BBOX1: variants seen among roughly 807,000 people sequenced by gnomAD.
BBOX1 encodes gamma-butyrobetaine hydroxylase 1.
Under a neutral mutation model 41.6 loss-of-function variants are expected in BBOX1, and 35 were observed. The observed-to-expected ratio is 0.84, with a 90% CI of 0.64 to 1.11. BBOX1 has a LOEUF of 1.11. Among genes scored for constraint, BBOX1 ranks in the 50% most tolerant of loss-of-function variants. BBOX1 has a pLI of 0.00. For missense variants in BBOX1, 458 were observed against 460.6 expected (o/e 0.99, Z 0.05); for synonymous variants, 163 against 154.7 (o/e 1.05, Z -0.40).
At chr11:27,083,905 C>A (rs187042820) in intron 4 of BBOX1, among the ~76,000 whole-genome samples, 1 of 152,180 alleles carries the variant, frequency 6.6e-6, no homozygotes, top group East Asian at 1.9e-4. Context: ...GTCAGGCAAC[C>A]AGAGCACCCT....
At chr11:27,100,153 T>C (rs896525006) in intron 5 of BBOX1, among the ~76,000 whole-genome samples, 3 of 152,084 alleles carry the variant, frequency 2.0e-5, no homozygotes, top group Admixed American at 6.6e-5. Context: ...AATATTACTA[T>C]TTCTCGGCAT....
intron 4 of BBOX1, among the ~76,000 whole-genome samples, chr11:27,073,999 A>G (rs1300514199): frequency 1.3e-5 from 2 of 152,104 alleles, no homozygotes; most frequent in Non-Finnish European, 2.9e-5. Flanking sequence ...CCAACATGGC[A>G]CATATATACA....
At chr11:27,065,175 G>A (rs1201262816) in intron 4 of BBOX1, among the ~76,000 whole-genome samples, 1 of 152,078 alleles carries the variant, frequency 6.6e-6, no homozygotes, top group African/African-American at 2.4e-5. Flanking sequence ...GGAGGAGGTG[G>A]GTTAGATCAG....
At chr11:27,066,093 GTTATA>G (rs1000710239) in intron 4 of BBOX1, among the ~76,000 whole-genome samples, 2 of 152,236 alleles carry the variant, frequency 1.3e-5, no homozygotes, top group East Asian at 1.9e-4. Flanking sequence ...ATTTTTTGTA[GTTATA>G]TTAAAGTAAA....
intron 2 of BBOX1, among the ~76,000 whole-genome samples, chr11:27,053,449 G>C (rs1856876694): frequency 6.6e-6 from 1 of 152,210 alleles, no homozygotes; most frequent in African/African-American, 2.4e-5. Flanking sequence ...AATAAAAACA[G>C]GAATATGTAG....
In BBOX1 at chr11:27,052,662, C is replaced by T. The variant is rs534271339; in HGVS notation, c.-38-2731C>T. 1.6e-4 allele frequency among the ~76,000 whole-genome samples: 24 copies of T among 152,232 alleles called. No homozygotes were observed. In the South Asian group the frequency reaches 4.6e-3, roughly 29 times the overall value. On this transcript the variant is annotated intron_variant, in intron 2 of 8. Coordinates refer to ENST00000263182, the MANE Select transcript of BBOX1 (RefSeq NM_003986.3). ...TGTGGAATGACCTTTCACAAATCTTCTTAAATCCAACTTATCTGTACCCAG... is the reference window on the plus strand; with the variant it reads ...TGTGGAATGACCTTTCACAAATCTTTTTAAATCCAACTTATCTGTACCCAG...
chr11:27,047,679 T>C (rs767205810), intron 2 of BBOX1, among the ~76,000 whole-genome samples: 1 of 152,172 alleles, frequency 6.6e-6, no homozygotes, highest in South Asian at 2.1e-4. Flanking sequence ...GTCTTATTCC[T>C]ACAAGAACCT....
At chr11:27,054,221 G>GTGTA (rs765553687) in intron 2 of BBOX1, among the ~76,000 whole-genome samples, 283 of 150,952 alleles carry the variant, frequency 1.9e-3, no homozygotes, top group Non-Finnish European at 3.2e-3. Flanking sequence ...GTGTGTGTGT[G>GTGTA]TGTGTGTGTG....
At chr11:27,091,812 G>A (rs1158177483) in intron 4 of BBOX1, among the ~76,000 whole-genome samples, 2 of 151,878 alleles carry the variant, frequency 1.3e-5, no homozygotes, top group Non-Finnish European at 2.9e-5. Flanking sequence ...ACGAATATTA[G>A]CATAGTAAAA....
intron 5 of BBOX1, among the ~76,000 whole-genome samples, chr11:27,106,773 A>C (rs1858887830): frequency 6.6e-6 from 1 of 152,164 alleles, no homozygotes; most frequent in Non-Finnish European, 1.5e-5. Context: ...CCCCCAAATC[A>C]ACAGAATATA....
chr11:27,072,154 T>C (rs1476545566), intron 4 of BBOX1, among the ~76,000 whole-genome samples: 3 of 152,184 alleles, frequency 2.0e-5, no homozygotes, highest in Non-Finnish European at 2.9e-5. Context: ...GATGACATGA[T>C]TGTATATTTA....
rs11396790 is a variant in BBOX1 at position 27,118,924 on chromosome 11, CAAAAAAA to C, written c.640-716_640-710del. ...TTGCTACTCTGACCAGTTCCTTCCT[CAAAAAAA>C]AAAAAAAACATAATCCTATGTAACA... On this transcript the variant is annotated intron_variant, in intron 6 of 8. Transcript: ENST00000263182. 2.6e-3 allele frequency among the ~76,000 whole-genome samples: 359 copies of C among 139,168 alleles called. 3 individuals are homozygous for C. Among genetic ancestry groups the C allele is most frequent in the African/African-American group, 9.0e-3 (344 of 38,128 alleles). 91.3% of individuals were successfully genotyped at this position (139,168 alleles called of 152,430 possible).
At chr11:27,125,515 T>C (rs1859620118) in intron 7 of BBOX1, 139 bp from the exon 8 acceptor site, 1 of 657,660 alleles carries the variant, frequency 1.5e-6, no homozygotes, top group Non-Finnish European at 2.3e-6. Context: ...GCACCACAGG[T>C]AGCCTTAATA....
intron 5 of BBOX1, among the ~76,000 whole-genome samples, chr11:27,093,918 T>C (rs1045921758): frequency 9.9e-5 from 15 of 151,734 alleles, no homozygotes; most frequent in Admixed American, 3.3e-4. Context: ...ACATATGAAT[T>C]TGGGGGGACA....
At chr11:27,103,714 G>A (rs954447492) in intron 5 of BBOX1, among the ~76,000 whole-genome samples, 1 of 151,876 alleles carries the variant, frequency 6.6e-6, no homozygotes, top group African/African-American at 2.4e-5. Context: ...AAAACAGAAG[G>A]TAGAAAAAAT....
At chr11:27,111,238 T>G (rs544779252) in intron 5 of BBOX1, among the ~76,000 whole-genome samples, 1 of 152,038 alleles carries the variant, frequency 6.6e-6, no homozygotes, top group East Asian at 1.9e-4. Flanking sequence ...GTCAGCAAAT[T>G]AATACCTGAA....
intron 3 of BBOX1, among the ~76,000 whole-genome samples, chr11:27,056,087 T>A (rs1237672268): frequency 6.6e-6 from 1 of 152,154 alleles, no homozygotes; most frequent in African/African-American, 2.4e-5. Flanking sequence ...GATAGAAATG[T>A]TGTTTACTCT....
At chr11:27,115,200 C>T (rs1859213465) in intron 5 of BBOX1, among the ~76,000 whole-genome samples, 1 of 151,790 alleles carries the variant, frequency 6.6e-6, no homozygotes, top group African/African-American at 2.4e-5. Flanking sequence ...TCCATATATA[C>T]TTCTTTATAA....
chr11:27,057,242 G>C lies in BBOX1; in HGVS notation c.261G>C (p.Gln87His), dbSNP rs1857014002. ...CCGATGAGCATTACAGTGAATTCCA[G>C]GCTGATTGGCTGAAGAAAAGATGCT... ...TWPDEHYSEF[Q>H]ADWLKKRCFS... The change falls in exon 4 of 9, where the codon CAG (glutamine) becomes CAC (histidine). Residue 87 changes from glutamine to histidine, a missense_variant. By Grantham distance (24) the Gln-to-His change is conservative. Transcript: ENST00000263182. 1 of 1,612,026 alleles carries C rather than the reference G, an allele frequency of 6.2e-7. No individual in the cohort carries two copies. The highest frequency in any genetic ancestry group is 1.3e-5 in the African/African-American group (1 of 74,768).
Sources: allele counts gnomAD v4.1 joint callset (sites outside exome capture counted in the v4.1 genomes callset), GRCh38; gene constraint gnomAD v4.1.1; transcripts MANE v1.5; gene names NCBI Gene and HGNC (gene_info 2026-07-23, HGNC 2026-07-21).